Variants in ZNF750 observed in about 807,000 individuals in gnomAD.
ZNF750 encodes the protein protein ZNF750.
Under a neutral mutation model 31.6 loss-of-function variants are expected in ZNF750, and 10 were observed. The observed-to-expected ratio is 0.32, with a 90% CI of 0.19 to 0.54. The LOEUF (loss-of-function observed/expected upper bound fraction) is 0.54, where lower values mean the gene tolerates loss of function less well. Among genes scored for constraint, ZNF750 ranks in the 20% least tolerant of loss-of-function variants. ZNF750 has a pLI of 0.95. For missense variants in ZNF750, 914 were observed against 934.9 expected, an observed-to-expected ratio of 0.98 and a Z score of 0.29; for synonymous variants, 400 against 404.9, an observed-to-expected ratio of 0.99 and a Z score of 0.15.
rs753343701 is a variant in ZNF750, at chr17:82,831,608, G to A, written c.847C>T (p.His283Tyr). 1.5e-4 allele frequency: 249 copies of A among 1,614,088 alleles called. 2 individuals are homozygous for A. In the Admixed American group the frequency reaches 4.1e-3, roughly 26 times the overall value. Residue 283 changes from histidine (H) to tyrosine (Y), a missense_variant, in exon 2 of 3, where the codon CAC becomes TAC. Physicochemically the swap from His to Tyr is moderately conservative, Grantham distance 83 (BLOSUM62 2). Around this residue, in one of 2 missense-constraint regions of ZNF750, gnomAD observed 880 missense variants for 868.9 expected, o/e 1.01. Transcript: ENST00000269394. This position sits in a 1 kb window ranked among gnomAD's most constrained non-coding sequence, Gnocchi z 4.6. ...LSVYGTQDPR[H>Y]FLPHPGPIPK... Reference sequence around the variant, plus strand: ...ATCGGCCCCGGGTGAGGCAGGAAGTGTCTCGGGTCTTGGGTTCCGTAGACT... The same window carrying A: ...ATCGGCCCCGGGTGAGGCAGGAAGTATCTCGGGTCTTGGGTTCCGTAGACT...
chr17:82,836,404 G>A (rs947609927), intron 1 of ZNF750, among the ~76,000 whole-genome samples: 6 of 152,242 alleles, frequency 3.9e-5, no homozygotes, highest in Non-Finnish European at 8.8e-5. Flanking sequence ...GGATCGAAAC[G>A]ATGACAGTTG....
intron 1 of ZNF750, among the ~76,000 whole-genome samples, chr17:82,838,034 A>G (rs1445312444): frequency 2.0e-5 from 3 of 152,236 alleles, no homozygotes; most frequent in Non-Finnish European, 4.4e-5. Flanking sequence ...TTGTGTGCTC[A>G]GCCGATGCAC....
chr17:82,831,838 G>A lies in ZNF750; in HGVS notation c.617C>T (p.Pro206Leu). The A allele has an allele frequency of 1.2e-6, 2 of 1,614,226 alleles. No individual in the cohort carries two copies. The highest frequency in any genetic ancestry group is 1.7e-6 in the Non-Finnish European group (2 of 1,180,042). ...AAGGAAAGGTGAGCCGGCTTTCCAG[G>A]GGTAGCCAGGAGTGTGGAAGGCCGA... The part of the protein sequence containing the change: ...TKSAFHTPGY[P>L]WKAGSPFLPP... The change falls in exon 2 of 3, where the codon CCC becomes CTC. Residue 206 changes from proline (P) to leucine (L), a missense_variant. Pro to Leu is a moderately conservative substitution (Grantham distance 98, BLOSUM62 -3). This residue lies in a region of ZNF750 where 880 missense variants were observed against 868.9 expected (regional missense o/e 1.01). Coordinates refer to ENST00000269394, the MANE Select transcript of ZNF750 (RefSeq NM_024702.3). The surrounding 1 kb of genome is among the most constrained non-coding windows in gnomAD (Gnocchi z 4.6).
rs1346415597 is a variant in ZNF750, at chr17:82,831,247, C to T, written c.1208G>A (p.Arg403His). ...GGAGCCCGTGGCTGCACTCCCTGCG[C>T]GGGGGCTCATTTTGGACCCTTCCGT... Reference protein sequence around the residue: ...RDTEGSKMSPRAGSAATGSPG... With the variant: ...RDTEGSKMSPHAGSAATGSPG... The change falls in exon 2 of 3, where the codon CGC (arginine) becomes CAC (histidine). Residue 403 changes from arginine (R) to histidine (H), a missense_variant. Physicochemically the swap from Arg to His is conservative, Grantham distance 29 (BLOSUM62 0). This residue lies in a region of ZNF750 where 880 missense variants were observed against 868.9 expected (regional missense o/e 1.01). Coordinates refer to ENST00000269394, the MANE Select transcript of ZNF750 (RefSeq NM_024702.3). This position sits in a 1 kb window ranked among gnomAD's most constrained non-coding sequence, Gnocchi z 4.6. The T allele has an allele frequency of 3.1e-6, 5 of 1,613,732 alleles. No individual in the cohort carries two copies. Among genetic ancestry groups the T allele is most frequent in the African/African-American group, 1.3e-5 (1 of 74,924 alleles).
chr17:82,837,339 C>T (rs1267130902), intron 1 of ZNF750, among the ~76,000 whole-genome samples: 1 of 152,100 alleles, frequency 6.6e-6, no homozygotes, highest in African/African-American at 2.4e-5. Flanking sequence ...CGACTTTGTA[C>T]TCTGGCAGCT....
rs560357839 is a variant in ZNF750, at chr17:82,830,785, C to T, written c.1529G>A (p.Gly510Glu). Residue 510 changes from glycine to glutamate, a missense_variant, in exon 3 of 3, where the codon GGG (glycine) becomes GAG (glutamate). Physicochemically the swap from Gly to Glu is moderately conservative, Grantham distance 98 (BLOSUM62 -2). Transcript: ENST00000269394. The stretch of plus-strand genomic sequence containing the variant: ...CTTGGAGAGGTTGAGGGGGCCCATC[C>T]CGGAGCTGTCGTCCGGACTGGAAGG... ...AAPSSPDDSS[G>E]MGPLNLSKKS... 2 of 1,613,626 alleles carry T rather than the reference C, an allele frequency of 1.2e-6. No homozygotes were observed. Among genetic ancestry groups the T allele is most frequent in the Admixed American group, 1.7e-5 (1 of 60,016 alleles).
chr17:82,832,273 C>G lies in ZNF750; in HGVS notation c.182G>C (p.Arg61Pro), dbSNP rs375467494. 8.1e-6 allele frequency: 13 copies of G among 1,614,068 alleles called. No individual in the cohort carries two copies. The highest frequency in any genetic ancestry group is 1.1e-5 in the Non-Finnish European group (13 of 1,180,048). ...NSITLVSEQD[R>P]VPKCPKSNSL... ...GTTAGATTTAGGGCACTTGGGAACT[C>G]GATCCTGCTCTGATACTAAAGTAAT... Residue 61 changes from arginine to proline, a missense_variant, in exon 2 of 3, where the codon CGA (arginine) becomes CCA (proline). By Grantham distance (103) the Arg-to-Pro change is moderately radical. Coordinates refer to ENST00000269394, the MANE Select transcript of ZNF750 (RefSeq NM_024702.3). The surrounding 1 kb of genome is among the most constrained non-coding windows in gnomAD (Gnocchi z 4.9).
In ZNF750 at chr17:82,832,051, G is replaced by A. The variant is rs757711155; in HGVS notation, c.404C>T (p.Ala135Val). 21 of 1,613,734 alleles carry A rather than the reference G, an allele frequency of 1.3e-5. No homozygotes were observed. Among genetic ancestry groups the A allele is most frequent in the Non-Finnish European group, 1.6e-5 (19 of 1,179,770 alleles). ...CLGQKPALHRASPCKSPAPEA... is the reference protein window; with the variant it reads ...CLGQKPALHRVSPCKSPAPEA... The stretch of plus-strand genomic sequence containing the variant: ...CGGAGCTGGGCTCTTGCAGGGTGAT[G>A]CCCTGTGGAGGGCTGGCTTCTGTCC... Residue 135 changes from alanine (A) to valine (V), a missense_variant, in exon 2 of 3, where the codon GCA (alanine) becomes GTA (valine). Coordinates refer to ENST00000269394, the MANE Select transcript of ZNF750 (RefSeq NM_024702.3). The surrounding 1 kb of genome is among the most constrained non-coding windows in gnomAD (Gnocchi z 4.9).
Position 82,830,775 on chromosome 17 carries a change from G to A in ZNF750, c.1539C>T (p.Pro513=). ...SSPDDSSGMG[P]LNLSKKSEIN... ...TCTCTGATTTCTTGGAGAGGTTGAG[G>A]GGGCCCATCCCGGAGCTGTCGTCCG... is the stretch of plus-strand genomic sequence containing the variant. Residue 513 remains proline, a synonymous_variant, in exon 3 of 3, where the codon CCC becomes CCT. Coordinates refer to ENST00000269394, the MANE Select transcript of ZNF750 (RefSeq NM_024702.3). The A allele has an allele frequency of 6.2e-7, 1 of 1,613,794 alleles. No homozygotes were observed. Among genetic ancestry groups the A allele is most frequent in the Non-Finnish European group, 8.5e-7 (1 of 1,180,032 alleles).
Position 82,832,499 on chromosome 17 carries a change from C to A in ZNF750, c.-45G>T. The A allele has an allele frequency of 6.4e-7, 1 of 1,564,960 alleles. No individual in the cohort carries two copies. The highest frequency in any genetic ancestry group is 1.1e-5 in the South Asian group (1 of 90,166). ...ACTCTGGCTGTCCAGGTGGCGTGATCACTGTCGACGCCGCGTGCACTTCGT... is the reference window on the plus strand; with the variant it reads ...ACTCTGGCTGTCCAGGTGGCGTGATAACTGTCGACGCCGCGTGCACTTCGT... On this transcript the variant is annotated 5_prime_UTR_variant, in exon 2 of 3. Coordinates refer to ENST00000269394, the MANE Select transcript of ZNF750 (RefSeq NM_024702.3). The surrounding 1 kb of genome is among the most constrained non-coding windows in gnomAD (Gnocchi z 4.9).
In ZNF750 at chr17:82,832,639, G is replaced by A; in HGVS notation, c.-182-3C>T. On this transcript the variant is annotated splice_polypyrimidine_tract_variant and splice_region_variant and intron_variant, in intron 1 of 2. Coordinates refer to ENST00000269394, the MANE Select transcript of ZNF750 (RefSeq NM_024702.3). The surrounding 1 kb of genome is among the most constrained non-coding windows in gnomAD (Gnocchi z 4.9). ...CTCCGTCATCTGGCGGCTGGGAGCT[G>A]TAATAAAGAGCAGTCTTGGTGTCAG... 1.6e-6 allele frequency: 1 copy of A among 641,132 alleles called. No individual in the cohort carries two copies. Among genetic ancestry groups the A allele is most frequent in the East Asian group, 2.7e-5 (1 of 36,566 alleles). 39.7% of individuals were successfully genotyped at this position (641,132 alleles called of 1,614,324 possible). A position where few individuals can be genotyped will look rare whatever the true frequency, so the allele number is the denominator to read the frequency against.
intron 1 of ZNF750, chr17:82,838,929 T>G: frequency 2.0e-6 from 2 of 985,378 alleles, no homozygotes; most frequent in Non-Finnish European, 1.2e-6. Flanking sequence ...CAGTGAAAAT[T>G]AGGGGCACAG....
intron 1 of ZNF750, chr17:82,838,531 C>A: frequency 1.9e-6 from 1 of 527,142 alleles, no homozygotes; most frequent in Non-Finnish European, 2.4e-6. Flanking sequence ...GAAGGGCATG[C>A]TGTAATTACA....
rs962375956 is a variant in ZNF750 at position 82,830,148 on chromosome 17, C to T, written c.2166G>A (p.Val722=). ...RVFTLRRRAR[V]S ...CACACGTGTGAACCCGGCGTTAGGA[C>T]ACCCGGGCCCTCCTTCGTAGTGTGA... Residue 722 remains valine, a synonymous_variant, in exon 3 of 3, where the codon GTG becomes GTA. Coordinates refer to ENST00000269394, the MANE Select transcript of ZNF750 (RefSeq NM_024702.3). The T allele has an allele frequency of 6.2e-7, 1 of 1,613,756 alleles. No homozygotes were observed. The highest frequency in any genetic ancestry group is 1.3e-5 in the African/African-American group (1 of 75,056).
At chr17:82,830,902 A>T in intron 2 of ZNF750, 25 bp from the exon 3 acceptor site, 1 of 1,612,936 alleles carries the variant, frequency 6.2e-7, no homozygotes, top group Non-Finnish European at 8.5e-7. Flanking sequence ...GAAAAAGCTT[A>T]GTAGGAGCTT....
chr17:82,830,572 ACAG>A lies in ZNF750; in HGVS notation c.1739_1741del (p.Ala580del), dbSNP rs2053403632. On this transcript the variant is annotated inframe_deletion, in exon 3 of 3. Transcript: ENST00000269394. ...ACCTTCTGTCCCAGTCTTCTGTGGA[ACAG>A]CAGCAGCAGGTTCTGCAGCTCGTGG... The A allele has an allele frequency of 6.2e-7, 1 of 1,613,906 alleles. No individual in the cohort carries two copies. Among genetic ancestry groups the A allele is most frequent in the Non-Finnish European group, 8.5e-7 (1 of 1,179,956 alleles).
chr17:82,832,079 G>C lies in ZNF750; in HGVS notation c.376C>G (p.Leu126Val), dbSNP rs1037944628. The C allele has an allele frequency of 6.2e-7, 1 of 1,614,120 alleles. No individual in the cohort carries two copies. Among genetic ancestry groups the C allele is most frequent in the Admixed American group, 1.7e-5 (1 of 60,022 alleles). Residue 126 changes from leucine to valine, a missense_variant, in exon 2 of 3, where the codon CTG becomes GTG. Transcript: ENST00000269394. This position sits in a 1 kb window ranked among gnomAD's most constrained non-coding sequence, Gnocchi z 4.9. Reference sequence around the variant, plus strand: ...CTGTGGAGGGCTGGCTTCTGTCCCAGGCACCTGTGGGTTCCCCGGGCTTGC... The same window carrying C: ...CTGTGGAGGGCTGGCTTCTGTCCCACGCACCTGTGGGTTCCCCGGGCTTGC... ...ELQARGTHRC[L>V]GQKPALHRAS...
At chr17:82,839,079 CT>C in intron 1 of ZNF750, 2 of 735,988 alleles carry the variant, frequency 2.7e-6, no homozygotes, top group African/African-American at 3.8e-5. Flanking sequence ...AACTTAACCC[CT>C]TTGGTTTGGT....
intron 1 of ZNF750, among the ~76,000 whole-genome samples, chr17:82,836,024 A>C (rs9903208): frequency 0.45 from 68,684 of 152,128 alleles, 15,602 homozygotes; most frequent in East Asian, 0.54. Flanking sequence ...AGAAGCTACA[A>C]GGCACCGGGT....
Sources: allele counts gnomAD v4.1 joint callset (sites outside exome capture counted in the v4.1 genomes callset), GRCh38; gene constraint gnomAD v4.1.1; regional missense constraint gnomAD v4.1.1; non-coding constraint Gnocchi (gnomAD v3.1); transcripts MANE v1.5; gene names NCBI Gene and HGNC (gene_info 2026-07-23, HGNC 2026-07-21).